The following SPIDR variants were observed in gnomAD, a reference collection of about 807,000 sequenced individuals.
SPIDR encodes the protein DNA repair-scaffolding protein.
SPIDR carries 93 observed loss-of-function variants against 104.6 expected under a neutral mutation model. The ratio of observed to expected loss-of-function variants is 0.89; its 90% CI spans 0.75 to 1.06. The LOEUF (loss-of-function observed/expected upper bound fraction) is 1.06. SPIDR is among the 50% of genes least tolerant of loss of function. SPIDR has a pLI of 0.00. For synonymous variants in SPIDR, 431 were observed against 416.9 expected (o/e 1.03, Z -0.41); for missense variants, 1,154 against 1,111.2 (o/e 1.04, Z -0.55).
intron 19 of SPIDR, among the ~76,000 whole-genome samples, chr8:47,731,005 C>T (rs1400174579): frequency 6.6e-6 from 1 of 152,176 alleles, no homozygotes; most frequent in Non-Finnish European, 1.5e-5. Context: ...TGCCTGTAAT[C>T]CCAGCACTTT....
At chr8:47,412,243 G>T (rs1302435089) in intron 7 of SPIDR, among the ~76,000 whole-genome samples, 1 of 152,154 alleles carries the variant, frequency 6.6e-6, no homozygotes, top group Non-Finnish European at 1.5e-5. Context: ...AATTACCTTG[G>T]ACAGTATGGC....
chr8:47,538,033 G>A (rs1238195131), intron 8 of SPIDR, among the ~76,000 whole-genome samples: 3 of 152,008 alleles, frequency 2.0e-5, no homozygotes, highest in Non-Finnish European at 2.9e-5. Context: ...AAATTAGTCA[G>A]GCGTGGTGAC....
At chr8:47,601,431 C>A (rs957102120) in intron 10 of SPIDR, among the ~76,000 whole-genome samples, 1 of 152,170 alleles carries the variant, frequency 6.6e-6, no homozygotes, top group African/African-American at 2.4e-5. Context: ...CGCGGTGGCT[C>A]ATGCCTGTAA....
chr8:47,360,499 C>T (rs1554629247), intron 5 of SPIDR, among the ~76,000 whole-genome samples: 1 of 151,988 alleles, frequency 6.6e-6, no homozygotes, highest in Non-Finnish European at 1.5e-5. Context: ...GGGCAGGAGC[C>T]TATGACTGCC....
chr8:47,452,330 A>G (rs567075302), intron 8 of SPIDR, among the ~76,000 whole-genome samples: 1 of 152,304 alleles, frequency 6.6e-6, no homozygotes, highest in East Asian at 1.9e-4. Context: ...ATGTATTTAA[A>G]GACCTGAAAG....
At chr8:47,310,279 A>T (rs1158198820) in intron 5 of SPIDR, among the ~76,000 whole-genome samples, 3 of 149,020 alleles carry the variant, frequency 2.0e-5, no homozygotes, top group African/African-American at 7.4e-5. Flanking sequence ...GGTCGCAGTG[A>T]GCTGAGATCG....
intron 6 of SPIDR, among the ~76,000 whole-genome samples, chr8:47,407,508 C>T (rs2062922166): frequency 6.6e-6 from 1 of 152,162 alleles, no homozygotes; most frequent in Non-Finnish European, 1.5e-5. Context: ...TAGGTGCCAG[C>T]ATATAGCAGG....
intron 10 of SPIDR, among the ~76,000 whole-genome samples, chr8:47,635,837 G>A (rs1311172022): frequency 6.6e-6 from 1 of 152,234 alleles, no homozygotes; most frequent in Non-Finnish European, 1.5e-5. Context: ...CTGCTTCCCA[G>A]TGGGTGAAAA....
chr8:47,325,128 T>C (rs1288110785), intron 5 of SPIDR, among the ~76,000 whole-genome samples: 2 of 152,196 alleles, frequency 1.3e-5, no homozygotes, highest in Admixed American at 6.5e-5. Flanking sequence ...GAGGACACAA[T>C]TTAGCCTATA....
chr8:47,685,162 A>G (rs900546418), intron 11 of SPIDR, among the ~76,000 whole-genome samples: 6 of 152,190 alleles, frequency 3.9e-5, no homozygotes, highest in African/African-American at 7.2e-5. Flanking sequence ...CAGTGAGCCA[A>G]TCATGCCATT....
Position 47,589,028 on chromosome 8 carries a change from T to TG in SPIDR, c.1098-6783_1098-6782insG, listed in dbSNP as rs1443561688. ...GTATATTGGTTTATAGTTTGTTTTT[T>TG]TTTTTTTTTTTTTTTGTACTGTCTT... On this transcript the variant is annotated intron_variant, in intron 8 of 19. Coordinates refer to ENST00000297423, the MANE Select transcript of SPIDR (RefSeq NM_001080394.4). Among the ~76,000 whole-genome samples, 91 of 148,354 alleles carry TG rather than the reference T, an allele frequency of 6.1e-4. 1 individual carries two copies. Among genetic ancestry groups the TG allele is most frequent in the East Asian group, 3.3e-3 (17 of 5,136 alleles).
In SPIDR at chr8:47,354,016, C is replaced by T. The variant is rs532372518; in HGVS notation, c.526-42360C>T. 5.9e-5 allele frequency among the ~76,000 whole-genome samples: 9 copies of T among 152,172 alleles called. No homozygotes were observed. In the South Asian group the frequency reaches 1.9e-3, roughly 32 times the overall value. On this transcript the variant is annotated intron_variant, in intron 5 of 19. Transcript: ENST00000297423. ...ACAGACAACGCTTTGATACTAGTAT[C>T]ACATTCTTGTCTATTTACTGATTTT...
chr8:47,488,685 G>C (rs141682284), intron 8 of SPIDR, among the ~76,000 whole-genome samples: 17,315 of 152,112 alleles, frequency 0.11, 1,426 homozygotes, highest in African/African-American at 0.23. Flanking sequence ...GGGGATGCAA[G>C]GCAGGTTCAA....
At chr8:47,322,530 C>T (rs895569660) in intron 5 of SPIDR, among the ~76,000 whole-genome samples, 2 of 152,120 alleles carry the variant, frequency 1.3e-5, no homozygotes, top group East Asian at 1.9e-4. Context: ...GTCAGTGTGG[C>T]GATTCCTCAG....
chr8:47,698,374 G>A (rs774295857), intron 11 of SPIDR, among the ~76,000 whole-genome samples: 2 of 152,196 alleles, frequency 1.3e-5, no homozygotes, highest in Non-Finnish European at 2.9e-5. Context: ...TCTATGCCCA[G>A]CAGAGGCGGG....
Position 47,275,132 on chromosome 8 carries a change from G to A in SPIDR, c.34-4730G>A, listed in dbSNP as rs574963014. ...AAATTAGCCGCGCGTGGTGGGGGGC[G>A]CCTGTAGTCCCAGCTACTTGGGAGG... On this transcript the variant is annotated intron_variant, in intron 1 of 19. Transcript: ENST00000297423. Among the ~76,000 whole-genome samples the A allele has an allele frequency of 1.2e-3, 185 of 151,586 alleles. 3 individuals carry two copies. The South Asian group carries it at 0.036, about 29-fold the overall frequency.
intron 11 of SPIDR, among the ~76,000 whole-genome samples, chr8:47,689,638 A>G: frequency 6.6e-6 from 1 of 152,150 alleles, no homozygotes; most frequent in East Asian, 1.9e-4. Flanking sequence ...GCTTCATGGT[A>G]CTGGGTACCT....
chr8:47,626,983 C>T (rs951161991), intron 10 of SPIDR, among the ~76,000 whole-genome samples: 6 of 152,190 alleles, frequency 3.9e-5, no homozygotes, highest in Non-Finnish European at 7.3e-5. Context: ...GACCAGGAAC[C>T]AACCCATATG....
intron 11 of SPIDR, among the ~76,000 whole-genome samples, chr8:47,698,995 C>G (rs2079746691): frequency 6.6e-6 from 1 of 152,174 alleles, no homozygotes; most frequent in African/African-American, 2.4e-5. Context: ...CTGTCACTGT[C>G]TGGAAAGGGT....
Sources: gnomAD v4.1 joint callset for allele counts (sites outside exome capture counted in the v4.1 genomes callset) on GRCh38, gnomAD v4.1.1 for gene constraint, MANE v1.5 for transcripts, NCBI Gene and HGNC (gene_info 2026-07-23, HGNC 2026-07-21) for gene names.